The following STK10 variants were observed in gnomAD, a reference collection of about 807,000 sequenced individuals.
STK10 encodes the protein serine/threonine kinase 10.
A neutral mutation model predicts 113.8 loss-of-function variants in STK10; 78 were observed. That is an observed-to-expected ratio of 0.69 (90% CI 0.57 to 0.83). The LOEUF (loss-of-function observed/expected upper bound fraction) is 0.83. Ranked by LOEUF, STK10 falls within the 40% of genes least tolerant of loss-of-function variation. The probability of loss-of-function intolerance (pLI) is 0.00; values close to 1 mark genes in which losing one functional copy is unlikely to be tolerated. For synonymous variants in STK10, 465 were observed against 494.7 expected (o/e 0.94, Z 0.80); for missense variants, 1,109 against 1,280.1 (o/e 0.87, Z 2.04).
intron 18 of STK10, among the ~76,000 whole-genome samples, chr5:172,048,242 C>T (rs902806766): frequency 1.3e-5 from 2 of 152,106 alleles, no homozygotes; most frequent in Non-Finnish European, 2.9e-5. Context: ...GGGCCTCAAT[C>T]AGTTGAAGGC....
At position 172,133,065 on chromosome 5, in the gene STK10, G is replaced by A. The variant is rs1769788688; in HGVS notation, c.322-5644C>T. On this transcript the variant is annotated intron_variant, in intron 2 of 18. Coordinates refer to ENST00000176763, the MANE Select transcript of STK10 (RefSeq NM_005990.4). The surrounding 1 kb of genome is among the most constrained non-coding windows in gnomAD (Gnocchi z 4.9). Reference sequence around the variant, plus strand: ...ACAGAAGCAGAGGTGGGGCAGCAGGGAAAAGCGTGGAAGCGGGTAATGGCG... The same window carrying A: ...ACAGAAGCAGAGGTGGGGCAGCAGGAAAAAGCGTGGAAGCGGGTAATGGCG... Among the ~76,000 whole-genome samples, 1 of 152,218 alleles carries A rather than the reference G, an allele frequency of 6.6e-6. No homozygotes were observed. The highest frequency in any genetic ancestry group is 2.1e-4 in the South Asian group (1 of 4,834).
intron 16 of STK10, among the ~76,000 whole-genome samples, chr5:172,055,104 G>A (rs984851993): frequency 6.6e-6 from 1 of 152,232 alleles, no homozygotes; most frequent in African/African-American, 2.4e-5. Context: ...ACACACAGAG[G>A]TGAATTCACC....
chr5:172,058,952 G>A (rs1004579502), intron 14 of STK10, among the ~76,000 whole-genome samples: 2 of 151,924 alleles, frequency 1.3e-5, no homozygotes, highest in South Asian at 2.1e-4. Context: ...GGCCAGGCGC[G>A]GTGGCTCATG....
In STK10 at chr5:172,073,251, C is replaced by T. The variant is rs184064468; in HGVS notation, c.1990-8439G>A. On this transcript the variant is annotated intron_variant, in intron 12 of 18. Coordinates refer to ENST00000176763, the MANE Select transcript of STK10 (RefSeq NM_005990.4). The stretch of plus-strand genomic sequence containing the variant: ...CACTGCAGCCTCTGCCTCCCGGGTT[C>T]AAGCAATTCTCCTGCTTCAGCCTCC... Among the ~76,000 whole-genome samples the T allele has an allele frequency of 4.3e-3, 654 of 152,236 alleles. 4 individuals carry two copies. The highest frequency in any genetic ancestry group is 0.027 in the Middle Eastern group (8 of 294).
At chr5:172,170,227 A>C (rs939063234) in intron 1 of STK10, among the ~76,000 whole-genome samples, 1 of 151,834 alleles carries the variant, frequency 6.6e-6, no homozygotes, top group Admixed American at 6.6e-5. Context: ...GGTCCTCCAC[A>C]TAAGAGAGGA....
At chr5:172,045,333 G>T in intron 18 of STK10, 1 of 532,158 alleles carries the variant, frequency 1.9e-6, no homozygotes, top group Non-Finnish European at 3.6e-6. Context: ...ACAGCCAAAT[G>T]ACTGGAGAAA....
chr5:172,090,490 C>T, intron 9 of STK10, 128 bp from the exon 10 acceptor site: 6 of 1,314,036 alleles, frequency 4.6e-6, no homozygotes, highest in Non-Finnish European at 6.3e-6. Flanking sequence ...ATGTGGCCAT[C>T]CATCGTCCCT....
chr5:172,077,411 G>C (rs1768335656), intron 12 of STK10, among the ~76,000 whole-genome samples: 1 of 152,206 alleles, frequency 6.6e-6, no homozygotes, highest in African/African-American at 2.4e-5. Context: ...TCAGATTTCA[G>C]TGATCTAAGA....
chr5:172,126,970 G>A (rs375175110), intron 3 of STK10, among the ~76,000 whole-genome samples: 7 of 152,006 alleles, frequency 4.6e-5, no homozygotes, highest in East Asian at 1.9e-4. Flanking sequence ...AATGTCCTGC[G>A]TTCTCTTCAA....
intron 2 of STK10, among the ~76,000 whole-genome samples, chr5:172,147,548 T>C (rs536098761): frequency 2.0e-5 from 3 of 152,154 alleles, no homozygotes; most frequent in South Asian, 2.1e-4. Context: ...CATGTCACCA[T>C]GCCCAGCTAA....
chr5:172,045,120 A>G, intron 18 of STK10, 98 bp from the exon 19 acceptor site: 1 of 1,530,134 alleles, frequency 6.5e-7, no homozygotes, highest in South Asian at 1.2e-5. Flanking sequence ...CTTCTCTGGA[A>G]CATTCCCTTC....
chr5:172,061,317 C>T, intron 13 of STK10, 49 bp from the exon 14 acceptor site: 1 of 1,555,382 alleles, frequency 6.4e-7, no homozygotes, highest in Non-Finnish European at 8.6e-7. Flanking sequence ...GGCTTGGGCA[C>T]CTCCATGTCT....
At chr5:172,126,841 G>A (rs1436072724) in intron 3 of STK10, among the ~76,000 whole-genome samples, 2 of 152,140 alleles carry the variant, frequency 1.3e-5, no homozygotes. Context: ...CCTCCTGAGA[G>A]TGTGTGGGGT....
chr5:172,163,530 G>T (rs187426262), intron 1 of STK10, among the ~76,000 whole-genome samples: 1 of 152,156 alleles, frequency 6.6e-6, no homozygotes, highest in Admixed American at 6.5e-5. Context: ...TAAGGCCAGC[G>T]TTAGCCTTGG....
chr5:172,183,460 T>C (rs1770897992), intron 1 of STK10, among the ~76,000 whole-genome samples: 1 of 151,654 alleles, frequency 6.6e-6, no homozygotes, highest in Non-Finnish European at 1.5e-5. Context: ...ACTTTACTTT[T>C]TTTTTTTTTT....
At chr5:172,096,639 C>T (rs1027536489) in intron 7 of STK10, 79 bp from the exon 8 acceptor site, 17 of 1,572,980 alleles carry the variant, frequency 1.1e-5, no homozygotes, top group African/African-American at 2.7e-5. Flanking sequence ...AGCTCACCCC[C>T]GGGGCAGAAA....
chr5:172,103,945 G>A (rs1769046919), intron 7 of STK10, among the ~76,000 whole-genome samples: 1 of 152,284 alleles, frequency 6.6e-6, no homozygotes, highest in East Asian at 1.9e-4. Context: ...TTGCCCAGGG[G>A]CTCACAGCCA....
At chr5:172,168,477 G>A (rs898383366) in intron 1 of STK10, among the ~76,000 whole-genome samples, 6 of 152,194 alleles carry the variant, frequency 3.9e-5, no homozygotes, top group African/African-American at 1.4e-4. Flanking sequence ...GCCCCTGGCT[G>A]GCAGGCGTGA....
At chr5:172,139,008 C>T (rs1394110462) in intron 2 of STK10, among the ~76,000 whole-genome samples, 5 of 152,140 alleles carry the variant, frequency 3.3e-5, no homozygotes, top group East Asian at 1.9e-4. Context: ...AGCGAGACTC[C>T]GTCTCAAAAT....
Sources: allele counts gnomAD v4.1 joint callset (sites outside exome capture counted in the v4.1 genomes callset), GRCh38; gene constraint gnomAD v4.1.1; non-coding constraint Gnocchi (gnomAD v3.1); transcripts MANE v1.5; gene names NCBI Gene and HGNC (gene_info 2026-07-23, HGNC 2026-07-21).